SPOCK3: variants seen among roughly 807,000 people sequenced by gnomAD.
SPOCK3 encodes testican-3.
SPOCK3 carries 30 observed loss-of-function variants against 56.6 expected under a neutral mutation model. The ratio of observed to expected loss-of-function variants is 0.53; its 90% CI spans 0.40 to 0.72. The LOEUF (loss-of-function observed/expected upper bound fraction) is 0.72. Among genes scored for constraint, SPOCK3 ranks in the 30% least tolerant of loss-of-function variants. The pLI, the probability that SPOCK3 is intolerant of heterozygous loss-of-function variation, is 0.00. For missense variants in SPOCK3, 527 were observed against 530.0 expected (o/e 0.99, Z 0.06); for synonymous variants, 196 against 183.3 (o/e 1.07, Z -0.56).
chr4:166,958,308 G>T (rs191485136), intron 4 of SPOCK3, among the ~76,000 whole-genome samples: 1 of 152,228 alleles, frequency 6.6e-6, no homozygotes, highest in African/African-American at 2.4e-5. Context: ...AGCTTCCTGA[G>T]GCCTCCCCAG....
intron 6 of SPOCK3, among the ~76,000 whole-genome samples, chr4:166,828,484 C>T (rs1745705684): frequency 6.6e-6 from 1 of 151,826 alleles, no homozygotes; most frequent in Non-Finnish European, 1.5e-5. Flanking sequence ...TGTAACTTAT[C>T]ATATTATGTG....
At chr4:166,829,763 T>G (rs1299790762) in intron 6 of SPOCK3, among the ~76,000 whole-genome samples, 1 of 152,110 alleles carries the variant, frequency 6.6e-6, no homozygotes, top group Non-Finnish European at 1.5e-5. Flanking sequence ...TAGCTTATCA[T>G]AACACGTGGG....
chr4:167,186,704 C>A (rs1427092315), intron 2 of SPOCK3, among the ~76,000 whole-genome samples: 1 of 151,890 alleles, frequency 6.6e-6, no homozygotes, highest in Non-Finnish European at 1.5e-5. Flanking sequence ...CAGCAAGGTG[C>A]AGTGGCTCAT....
chr4:167,094,978 T>C (rs1759024782), intron 2 of SPOCK3, among the ~76,000 whole-genome samples: 1 of 152,108 alleles, frequency 6.6e-6, no homozygotes, highest in Non-Finnish European at 1.5e-5. Flanking sequence ...AGTTCCAGTC[T>C]GAATCCAAGT....
intron 2 of SPOCK3, among the ~76,000 whole-genome samples, chr4:167,082,740 CAGGA>C (rs200120313): frequency 0.069 from 7,616 of 110,768 alleles, 388 homozygotes; most frequent in African/African-American, 0.16. Context: ...GTTTTTCTTC[CAGGA>C]AGGAAGGAAG....
chr4:167,007,530 T>G (rs1278529839), intron 3 of SPOCK3, among the ~76,000 whole-genome samples: 1 of 152,144 alleles, frequency 6.6e-6, no homozygotes. Flanking sequence ...AGTTGTAATC[T>G]GATTTAAGCA....
intron 6 of SPOCK3, among the ~76,000 whole-genome samples, chr4:166,861,650 T>C (rs1178796662): frequency 6.6e-6 from 1 of 152,084 alleles, no homozygotes; most frequent in Non-Finnish European, 1.5e-5. Flanking sequence ...GGTGCTCCAA[T>C]AGGCAGCACT....
At chr4:167,045,730 T>C (rs1478799721) in intron 3 of SPOCK3, among the ~76,000 whole-genome samples, 1 of 152,098 alleles carries the variant, frequency 6.6e-6, no homozygotes, top group African/African-American at 2.4e-5. Context: ...TTTCCATAAC[T>C]TTGCTGTCAT....
At chr4:167,003,705 A>C (rs1322876489) in intron 3 of SPOCK3, among the ~76,000 whole-genome samples, 1 of 152,140 alleles carries the variant, frequency 6.6e-6, no homozygotes, top group East Asian at 1.9e-4. Context: ...ATTGCATTTG[A>C]CTTCACTTGG....
At chr4:167,025,803 T>A (rs1040048686) in intron 3 of SPOCK3, among the ~76,000 whole-genome samples, 1 of 152,120 alleles carries the variant, frequency 6.6e-6, no homozygotes, top group African/African-American at 2.4e-5. Context: ...GGATTTCCTC[T>A]GAGGAATGCA....
chr4:166,938,082 G>A (rs759576089), intron 4 of SPOCK3, among the ~76,000 whole-genome samples: 7 of 151,702 alleles, frequency 4.6e-5, no homozygotes, highest in Admixed American at 6.6e-5. Flanking sequence ...ATGAGCCACC[G>A]TGCCCAGCCA....
At chr4:166,766,583 G>A (rs6813483) in intron 7 of SPOCK3, among the ~76,000 whole-genome samples, 69,790 of 151,902 alleles carry the variant, frequency 0.46, 16,542 homozygotes, top group African/African-American at 0.51. Flanking sequence ...TGCTGGATTC[G>A]GTTTGCCAGT....
At chr4:167,035,804 AG>A (rs1752698358) in intron 3 of SPOCK3, among the ~76,000 whole-genome samples, 1 of 152,204 alleles carries the variant, frequency 6.6e-6, no homozygotes, top group African/African-American at 2.4e-5. Flanking sequence ...TTAATACAAC[AG>A]CCAGTTAAAA....
intron 4 of SPOCK3, among the ~76,000 whole-genome samples, chr4:166,987,506 G>T (rs1896481): frequency 0.074 from 11,285 of 152,042 alleles, 978 homozygotes; most frequent in African/African-American, 0.22. Flanking sequence ...AAAATTAGAG[G>T]TTTTCTTTGT....
intron 2 of SPOCK3, among the ~76,000 whole-genome samples, chr4:167,080,053 A>T (rs1757568858): frequency 6.6e-6 from 1 of 152,048 alleles, no homozygotes; most frequent in Non-Finnish European, 1.5e-5. Context: ...CACCAAGCAG[A>T]GTTCTTGCAA....
intron 2 of SPOCK3, among the ~76,000 whole-genome samples, chr4:167,128,605 T>C (rs957532757): frequency 1.3e-5 from 2 of 152,192 alleles, no homozygotes; most frequent in African/African-American, 4.8e-5. Flanking sequence ...GAAGAAGAAT[T>C]GTCTTGGGCC....
rs980962693 is a variant in SPOCK3, at chr4:166,906,924, G to A, written c.474+5696C>T. On this transcript the variant is annotated intron_variant, in intron 5 of 10. Transcript: ENST00000357545. ...CTTAGCTGAGTAACACTGGTCAAAT[G>A]ACTTAAATTCTCTGTGCTTCACAGT... Among the ~76,000 whole-genome samples the A allele has an allele frequency of 3.3e-5, 5 of 151,988 alleles. No individual in the cohort carries two copies. In the Admixed American group the frequency reaches 3.3e-4, roughly 10 times the overall value.
chr4:167,216,058 G>A (rs940422743), intron 2 of SPOCK3, among the ~76,000 whole-genome samples: 11 of 152,256 alleles, frequency 7.2e-5, no homozygotes, highest in African/African-American at 2.2e-4. Context: ...ACTGGCAAAT[G>A]TTGCCTGGGT....
chr4:167,219,715 A>T (rs1356334878), intron 2 of SPOCK3, among the ~76,000 whole-genome samples: 1 of 151,776 alleles, frequency 6.6e-6, no homozygotes, highest in East Asian at 1.9e-4. Context: ...CATTTATTTC[A>T]CATACTTAGT....
Sources: allele counts gnomAD v4.1 joint callset (sites outside exome capture counted in the v4.1 genomes callset), GRCh38; gene constraint gnomAD v4.1.1; transcripts MANE v1.5; gene names NCBI Gene and HGNC (gene_info 2026-07-23, HGNC 2026-07-21).